MOCOS: variants seen among roughly 807,000 people sequenced by gnomAD.
MOCOS encodes molybdenum cofactor sulfurase, also known as human molybdenum cofactor sulfurase.
Under a neutral mutation model 83.6 loss-of-function variants are expected in MOCOS, and 86 were observed. The observed-to-expected ratio is 1.03, with a 90% CI of 0.86 to 1.23. The LOEUF is 1.23. MOCOS is among the 50% of genes most tolerant of loss of function. The pLI is 0.00. For synonymous variants in MOCOS, 445 were observed against 434.7 expected, an observed-to-expected ratio of 1.02 and a Z score of -0.29; for missense variants, 1,120 against 1,126.9, an observed-to-expected ratio of 0.99 and a Z score of 0.09.
chr18:36,195,177 A>G lies in MOCOS; in HGVS notation c.143-80A>G, dbSNP rs982154703. The G allele has an allele frequency of 3.5e-6, 4 of 1,152,386 alleles. No individual in the cohort carries two copies. The East Asian group carries it at 9.4e-5, about 27-fold the overall frequency. 71.4% of individuals were successfully genotyped at this position (1,152,386 alleles called of 1,614,324 possible). ...GTCAGTGGCCTGATGTTACGTCTGCATGCATTAGATGACATTGGTTGGGCT... is the reference window on the plus strand; with the variant it reads ...GTCAGTGGCCTGATGTTACGTCTGCGTGCATTAGATGACATTGGTTGGGCT... On this transcript the variant is annotated intron_variant, in intron 1 of 14. Coordinates refer to ENST00000261326, the MANE Select transcript of MOCOS (RefSeq NM_017947.4).
chr18:36,205,796 A>G (rs908400333), intron 6 of MOCOS, among the ~76,000 whole-genome samples: 1 of 151,766 alleles, frequency 6.6e-6, no homozygotes, highest in African/African-American at 2.4e-5. Flanking sequence ...CTGGCATGCA[A>G]TGGCATGATC....
At chr18:36,232,562 T>C (rs2091542324) in intron 9 of MOCOS, among the ~76,000 whole-genome samples, 2 of 152,218 alleles carry the variant, frequency 1.3e-5, no homozygotes, top group South Asian at 4.2e-4. Context: ...AGTCACCCTA[T>C]TGTGCTACAG....
Position 36,240,332 on chromosome 18 carries a change from T to G in MOCOS, c.1961-8590T>G, listed in dbSNP as rs879351188. On this transcript the variant is annotated intron_variant, in intron 9 of 14. Coordinates refer to ENST00000261326, the MANE Select transcript of MOCOS (RefSeq NM_017947.4). ...GTTTTTGGTGTGGATGTCCTTTCTG[T>G]TTGTTAGTTTTCCTTCTAACAGACA... 6.6e-3 allele frequency among the ~76,000 whole-genome samples: 884 copies of G among 133,472 alleles called. 5 individuals are homozygous for G. Among genetic ancestry groups the G allele is most frequent in the Non-Finnish European group, 0.011 (668 of 62,858 alleles). The allele number at this position is 133,472 out of a possible 152,430, so 87.6% of individuals were successfully genotyped here.
At chr18:36,267,768 A>G (rs1156849822) in intron 14 of MOCOS, among the ~76,000 whole-genome samples, 1 of 152,196 alleles carries the variant, frequency 6.6e-6, no homozygotes, top group Non-Finnish European at 1.5e-5. Context: ...GGTCCATGAA[A>G]ATAGTGTTTC....
intron 6 of MOCOS, 120 bp from the exon 7 acceptor site, chr18:36,213,246 A>G: frequency 1.2e-6 from 1 of 811,584 alleles, no homozygotes; most frequent in Non-Finnish European, 2.1e-6. Context: ...TTAGAGGACA[A>G]TTCCAGGCTT....
intron 12 of MOCOS, among the ~76,000 whole-genome samples, chr18:36,258,470 G>A (rs2091650796): frequency 6.6e-6 from 1 of 152,162 alleles, no homozygotes; most frequent in South Asian, 2.1e-4. Flanking sequence ...TTGCAGATGA[G>A]GAAATTGTGG....
intron 9 of MOCOS, among the ~76,000 whole-genome samples, chr18:36,225,930 CTT>C (rs76941554): frequency 9.2e-5 from 12 of 130,432 alleles, no homozygotes; most frequent in Admixed American, 1.5e-4. Context: ...AATTCATTGT[CTT>C]TTTTTTTTTT....
chr18:36,239,803 G>C (rs1598587070), intron 9 of MOCOS, among the ~76,000 whole-genome samples: 1 of 150,738 alleles, frequency 6.6e-6, no homozygotes, highest in South Asian at 2.1e-4. Flanking sequence ...TTTTCACATA[G>C]TCCCATATTT....
intron 9 of MOCOS, among the ~76,000 whole-genome samples, chr18:36,240,040 A>AT (rs1426027250): frequency 8.6e-6 from 1 of 115,616 alleles, no homozygotes; most frequent in Non-Finnish European, 1.8e-5. Context: ...ATTCTTCTAA[A>AT]TTTTTTTCAA....
intron 9 of MOCOS, among the ~76,000 whole-genome samples, chr18:36,235,939 G>GT (rs2091556984): frequency 6.6e-6 from 1 of 151,962 alleles, no homozygotes; most frequent in Non-Finnish European, 1.5e-5. Context: ...CTTTTGAGAC[G>GT]TGTCTGTTCA....
intron 11 of MOCOS, among the ~76,000 whole-genome samples, chr18:36,255,053 CA>C (rs2091636787): frequency 6.6e-6 from 1 of 151,896 alleles, no homozygotes; most frequent in African/African-American, 2.4e-5. Context: ...CACAGTTGAT[CA>C]AAGCAACATA....
intron 11 of MOCOS, among the ~76,000 whole-genome samples, chr18:36,256,052 C>G (rs750773952): frequency 6.6e-6 from 1 of 151,854 alleles, no homozygotes; most frequent in African/African-American, 2.4e-5. Flanking sequence ...GGCACTGCGC[C>G]CAGCTAATTT....
chr18:36,240,740 C>T (rs2091578747), intron 9 of MOCOS, among the ~76,000 whole-genome samples: 1 of 152,236 alleles, frequency 6.6e-6, no homozygotes, highest in Admixed American at 6.5e-5. Context: ...AGCCTCGCTG[C>T]CGCCTTGCAG....
chr18:36,244,435 G>T (rs2091595664), intron 9 of MOCOS, among the ~76,000 whole-genome samples: 1 of 152,066 alleles, frequency 6.6e-6, no homozygotes, highest in Non-Finnish European at 1.5e-5. Flanking sequence ...ATAGTTTCGA[G>T]AGTTCTTTTT....
intron 14 of MOCOS, among the ~76,000 whole-genome samples, chr18:36,267,915 A>G (rs1422427622): frequency 6.6e-6 from 1 of 152,216 alleles, no homozygotes; most frequent in Non-Finnish European, 1.5e-5. Context: ...ATCATGAGGA[A>G]TTGGCCCAAT....
At chr18:36,219,942 A>T in intron 8 of MOCOS, 113 bp from the exon 9 acceptor site, 1 of 1,318,270 alleles carries the variant, frequency 7.6e-7, no homozygotes, top group Non-Finnish European at 1.1e-6. Context: ...TCTTCCTTCC[A>T]GTGTAGGTGC....
intron 9 of MOCOS, among the ~76,000 whole-genome samples, chr18:36,230,030 T>C (rs1405554499): frequency 6.6e-6 from 1 of 152,128 alleles, no homozygotes; most frequent in Non-Finnish European, 1.5e-5. Context: ...GTTTGGAACA[T>C]CTTTGCCTGA....
chr18:36,261,774 CCTTA>C (rs1482343995), intron 13 of MOCOS, among the ~76,000 whole-genome samples: 1 of 152,158 alleles, frequency 6.6e-6, no homozygotes, highest in East Asian at 1.9e-4. Context: ...ATCCCTCCAT[CCTTA>C]CTTACTCTTC....
At chr18:36,190,764 AC>A (rs888619289) in intron 1 of MOCOS, among the ~76,000 whole-genome samples, 4 of 151,922 alleles carry the variant, frequency 2.6e-5, no homozygotes, top group African/African-American at 9.7e-5. Context: ...AAACAAAAAA[AC>A]AAAACAAAAC....
Sources: gnomAD v4.1 joint callset for allele counts (sites outside exome capture counted in the v4.1 genomes callset) on GRCh38, gnomAD v4.1.1 for gene constraint, MANE v1.5 for transcripts, NCBI Gene and HGNC (gene_info 2026-07-23, HGNC 2026-07-21) for gene names.